The following CFAP20DC variants were observed in gnomAD, a reference collection of about 807,000 sequenced individuals.
CFAP20DC encodes CFAP20 domain containing, also known as protein CFAP20DC.
In CFAP20DC, 84 loss-of-function variants were observed where a neutral mutation model predicts 101.7. The observed-to-expected ratio is 0.83, with a 90% CI of 0.69 to 0.99. The LOEUF is 0.99. Among genes scored for constraint, CFAP20DC ranks in the 50% least tolerant of loss-of-function variants. The pLI is 0.00. For synonymous variants in CFAP20DC, 359 were observed against 351.2 expected, an observed-to-expected ratio of 1.02 and a Z score of -0.25; for missense variants, 1,007 against 970.3, an observed-to-expected ratio of 1.04 and a Z score of -0.50.
At chr3:58,806,515 T>C (rs1260689189) in intron 14 of CFAP20DC, 59 bp from the exon 15 acceptor site, 13 of 1,206,322 alleles carry the variant, frequency 1.1e-5, no homozygotes, top group African/African-American at 1.5e-5. Flanking sequence ...TACATAGACA[T>C]TCACATGCAC....
intron 15 of CFAP20DC, among the ~76,000 whole-genome samples, chr3:58,801,470 T>C (rs987439005): frequency 1.3e-5 from 2 of 152,166 alleles, no homozygotes; most frequent in African/African-American, 4.8e-5. Context: ...TTACTTGTTT[T>C]AAAATGAGCG....
chr3:58,867,551 C>T (rs1559735028), intron 10 of CFAP20DC, among the ~76,000 whole-genome samples: 1 of 151,982 alleles, frequency 6.6e-6, no homozygotes, highest in Non-Finnish European at 1.5e-5. Flanking sequence ...TTTTCAAAAA[C>T]AATAATTTAA....
chr3:58,803,751 G>T (rs2073868857), intron 15 of CFAP20DC, among the ~76,000 whole-genome samples: 1 of 152,172 alleles, frequency 6.6e-6, no homozygotes, highest in Non-Finnish European at 1.5e-5. Flanking sequence ...GAAACTGGTA[G>T]ATAACTTGCT....
chr3:58,777,007 T>C (rs1197189704), intron 15 of CFAP20DC, among the ~76,000 whole-genome samples: 1 of 152,096 alleles, frequency 6.6e-6, no homozygotes, highest in African/African-American at 2.4e-5. Flanking sequence ...TCAGAACTGC[T>C]TAGGGCAAAC....
In CFAP20DC at chr3:59,007,125, C is replaced by G. The variant is rs1396203481; in HGVS notation, c.278+32432G>C. On this transcript the variant is annotated intron_variant, in intron 4 of 16. Transcript: ENST00000482387. The surrounding 1 kb of genome is among the most constrained non-coding windows in gnomAD (Gnocchi z 4.4). Reference sequence around the variant, plus strand: ...ACAGCAGAGGTAGCCATACTTCCCTCTGGAACAAAACCCCATTGGCCTGAG... The same window carrying G: ...ACAGCAGAGGTAGCCATACTTCCCTGTGGAACAAAACCCCATTGGCCTGAG... 6.6e-6 allele frequency among the ~76,000 whole-genome samples: 1 copy of G among 152,150 alleles called. No homozygotes were observed. The highest frequency in any genetic ancestry group is 2.4e-5 in the African/African-American group (1 of 41,416).
rs115441038 is a variant in CFAP20DC at position 58,914,692 on chromosome 3, A to G, written c.394-828T>C. On this transcript the variant is annotated intron_variant, in intron 5 of 16. Transcript: ENST00000482387. This position sits in a 1 kb window ranked among gnomAD's most constrained non-coding sequence, Gnocchi z 4.9. ...TGTATATATAAATATATATATATAT[A>G]TTTTTTTTCTTTTTTTTAAAGACAA... Among the ~76,000 whole-genome samples the G allele has an allele frequency of 3.4e-5, 5 of 147,940 alleles. No homozygotes were observed. Among genetic ancestry groups the G allele is most frequent in the African/African-American group, 1.2e-4 (5 of 40,190 alleles).
At chr3:58,927,367 G>C (rs1576338690) in intron 5 of CFAP20DC, among the ~76,000 whole-genome samples, 1 of 152,130 alleles carries the variant, frequency 6.6e-6, no homozygotes, top group East Asian at 1.9e-4. Context: ...ATCAAGGGTT[G>C]CCAATGTACA....
chr3:59,032,685 G>A (rs1038058052), intron 4 of CFAP20DC, among the ~76,000 whole-genome samples: 7 of 152,148 alleles, frequency 4.6e-5, no homozygotes, highest in Non-Finnish European at 8.8e-5. Context: ...CAAAAGAAAG[G>A]CAGCAGCCCC....
rs1195774690 is a variant in CFAP20DC, at chr3:58,732,774, C to A, written c.198-15146G>T. On this transcript the variant is annotated intron_variant, in intron 3 of 3. Coordinates refer to the CFAP20DC transcript ENST00000486145. This position sits in a 1 kb window ranked among gnomAD's most constrained non-coding sequence, Gnocchi z 5.4. ...ATTTTCTTGCCAAAGGCAGAAAATA[C>A]CTCAGAAAGAGATGGAAAACCATGG... 6.6e-6 allele frequency among the ~76,000 whole-genome samples: 1 copy of A among 152,150 alleles called. No homozygotes were observed. Among genetic ancestry groups the A allele is most frequent in the Non-Finnish European group, 1.5e-5 (1 of 68,026 alleles).
At chr3:58,927,174 GA>G (rs1439851727) in intron 5 of CFAP20DC, among the ~76,000 whole-genome samples, 5 of 152,086 alleles carry the variant, frequency 3.3e-5, no homozygotes, top group African/African-American at 1.2e-4. Flanking sequence ...AAAATAACAT[GA>G]AATATAAAAA....
At chr3:58,816,702 G>A (rs556532231) in intron 14 of CFAP20DC, among the ~76,000 whole-genome samples, 2 of 152,164 alleles carry the variant, frequency 1.3e-5, no homozygotes, top group African/African-American at 2.4e-5. Context: ...AGGTGGAAGC[G>A]AGGCTGGGGG....
At chr3:58,771,748 T>A (rs931647755) in intron 15 of CFAP20DC, among the ~76,000 whole-genome samples, 4 of 152,094 alleles carry the variant, frequency 2.6e-5, no homozygotes, top group Non-Finnish European at 1.5e-5. Flanking sequence ...ACTAAAACAA[T>A]CCCTGTCTTC....
intron 13 of CFAP20DC, among the ~76,000 whole-genome samples, chr3:58,835,186 CA>C (rs1183711885): frequency 1.3e-5 from 2 of 152,168 alleles, no homozygotes; most frequent in Non-Finnish European, 2.9e-5. Context: ...ATGGAGTTCA[CA>C]GTCTACAAAG....
intron 4 of CFAP20DC, among the ~76,000 whole-genome samples, chr3:59,020,010 C>T (rs1254039427): frequency 2.0e-5 from 3 of 151,796 alleles, no homozygotes; most frequent in Non-Finnish European, 4.4e-5. Flanking sequence ...TAATATTTAG[C>T]CAGAGATTAA....
intron 15 of CFAP20DC, among the ~76,000 whole-genome samples, chr3:58,793,889 A>G (rs2073043830): frequency 1.3e-5 from 2 of 152,196 alleles, no homozygotes; most frequent in South Asian, 4.1e-4. Flanking sequence ...CACTGCTTTA[A>G]AATTGTTCAC....
chr3:59,042,496 A>G (rs1278545006), intron 3 of CFAP20DC, among the ~76,000 whole-genome samples: 1 of 152,006 alleles, frequency 6.6e-6, no homozygotes, highest in Non-Finnish European at 1.5e-5. Flanking sequence ...GTGATAGTGC[A>G]CTGGACTATG....
At chr3:58,948,194 A>G (rs1017107887) in intron 4 of CFAP20DC, among the ~76,000 whole-genome samples, 1 of 152,208 alleles carries the variant, frequency 6.6e-6, no homozygotes, top group Non-Finnish European at 1.5e-5. Flanking sequence ...CAATACCAGT[A>G]TGCTTCCTGC....
intron 4 of CFAP20DC, among the ~76,000 whole-genome samples, chr3:58,996,512 G>A (rs1042931717): frequency 7.2e-5 from 11 of 152,132 alleles, no homozygotes; most frequent in African/African-American, 1.9e-4. Context: ...CACAAACTTC[G>A]TTATTTGCTT....
intron 15 of CFAP20DC, among the ~76,000 whole-genome samples, chr3:58,793,945 A>G (rs2073047098): frequency 6.6e-6 from 1 of 152,228 alleles, no homozygotes; most frequent in African/African-American, 2.4e-5. Context: ...CTTGCAACAG[A>G]TTACAGTTGC....
Sources: gnomAD v4.1 joint callset for allele counts (sites outside exome capture counted in the v4.1 genomes callset) on GRCh38, gnomAD v4.1.1 for gene constraint, Gnocchi (gnomAD v3.1) non-coding constraint, MANE v1.5 for transcripts, NCBI Gene and HGNC (gene_info 2026-07-23, HGNC 2026-07-21) for gene names.